OPRM1: variants seen among roughly 807,000 people sequenced by gnomAD.
OPRM1 encodes mu-type opioid receptor.
Under a neutral mutation model 31.8 loss-of-function variants are expected in OPRM1, and 27 were observed. That is an observed-to-expected ratio of 0.85 (90% CI 0.63 to 1.17). The LOEUF (loss-of-function observed/expected upper bound fraction) is 1.17, where lower values mean the gene tolerates loss of function less well. OPRM1 is among the 50% of genes most tolerant of loss of function. OPRM1 has a pLI of 0.00. For missense variants in OPRM1, 536 were observed against 511.1 expected (o/e 1.05, Z -0.47); for synonymous variants, 196 against 189.9 (o/e 1.03, Z -0.26).
chr6:154,034,128 A>T (rs1779159652), upstream of OPRM1, among the ~76,000 whole-genome samples: 1 of 152,252 alleles, frequency 6.6e-6, no homozygotes, highest in Non-Finnish European at 1.5e-5. Flanking sequence ...TGAAATGGGA[A>T]GGACACATGA....
chr6:154,238,673 C>G (rs1013895200), intron 3 of OPRM1, among the ~76,000 whole-genome samples: 1 of 152,042 alleles, frequency 6.6e-6, no homozygotes, highest in East Asian at 1.9e-4. Context: ...CCTATGAGCA[C>G]ATACTACTGT....
At chr6:154,138,739 A>G (rs1431128091) in intron 3 of OPRM1, among the ~76,000 whole-genome samples, 1 of 152,234 alleles carries the variant, frequency 6.6e-6, no homozygotes, top group African/African-American at 2.4e-5. Context: ...ACCTTTCCCA[A>G]AACAAACCTC....
chr6:154,242,238 G>C (rs1445529667), intron 3 of OPRM1, among the ~76,000 whole-genome samples: 1 of 152,146 alleles, frequency 6.6e-6, no homozygotes, highest in African/African-American at 2.4e-5. Flanking sequence ...GAGCAGCTGT[G>C]CAGGACCTAA....
At chr6:154,043,902 CT>C (rs1235716021) in intron 1 of OPRM1, among the ~76,000 whole-genome samples, 4 of 152,082 alleles carry the variant, frequency 2.6e-5, no homozygotes, top group African/African-American at 9.7e-5. Flanking sequence ...TCTTCTGTGT[CT>C]TCTAAACACA....
intron 1 of OPRM1, among the ~76,000 whole-genome samples, chr6:154,078,807 G>A (rs1259336633): frequency 6.6e-6 from 1 of 152,146 alleles, no homozygotes; most frequent in Non-Finnish European, 1.5e-5. Flanking sequence ...GAACAGAGGA[G>A]GTCAAAGCTG....
chr6:154,049,293 C>A (rs1306623290), intron 1 of OPRM1, among the ~76,000 whole-genome samples: 1 of 151,794 alleles, frequency 6.6e-6, no homozygotes, highest in African/African-American at 2.4e-5. Context: ...CCAACAACAA[C>A]AACAAAAAAA....
intron 3 of OPRM1, among the ~76,000 whole-genome samples, chr6:154,152,141 C>A (rs1474118538): frequency 7.6e-6 from 1 of 130,992 alleles, no homozygotes; most frequent in Admixed American, 8.7e-5. Context: ...CGCGCCACTG[C>A]ACTCCAGCCA....
chr6:154,223,086 T>C (rs970170373), intron 3 of OPRM1: 1 of 1,111,722 alleles, frequency 9.0e-7, no homozygotes, highest in Admixed American at 1.8e-5. Context: ...TTCACTCACT[T>C]CTAAATCACC....
chr6:154,209,896 G>A (rs1311645537), intron 3 of OPRM1, among the ~76,000 whole-genome samples: 4 of 152,072 alleles, frequency 2.6e-5, no homozygotes, highest in Non-Finnish European at 2.9e-5. Context: ...TAGCATTAAT[G>A]GCCTGCCAAA....
intron 3 of OPRM1, among the ~76,000 whole-genome samples, chr6:154,160,974 C>T (rs534234373): frequency 6.6e-6 from 1 of 152,280 alleles, no homozygotes; most frequent in East Asian, 1.9e-4. Context: ...TCCCCTTACA[C>T]CCAAGGCTCC....
chr6:154,197,027 T>C (rs971256711), intron 3 of OPRM1, among the ~76,000 whole-genome samples: 3 of 152,172 alleles, frequency 2.0e-5, no homozygotes, highest in African/African-American at 7.2e-5. Flanking sequence ...GTTATTAATC[T>C]TTAAGAATCT....
chr6:154,098,301 T>C (rs1477205817), intron 3 of OPRM1, among the ~76,000 whole-genome samples: 1 of 152,176 alleles, frequency 6.6e-6, no homozygotes, highest in Non-Finnish European at 1.5e-5. Flanking sequence ...CTGTTCTAAC[T>C]AATGTAACTA....
At chr6:154,098,779 CATT>C (rs1793842182) in intron 3 of OPRM1, among the ~76,000 whole-genome samples, 1 of 152,110 alleles carries the variant, frequency 6.6e-6, no homozygotes, top group South Asian at 2.1e-4. Flanking sequence ...TTGGAGAGTA[CATT>C]ATGAGAAATA....
chr6:154,214,548 A>G (rs1250187449), intron 3 of OPRM1, among the ~76,000 whole-genome samples: 1 of 152,214 alleles, frequency 6.6e-6, no homozygotes, highest in East Asian at 1.9e-4. Flanking sequence ...AAATATATGA[A>G]CAAACACATC....
exon 1 of OPRM1, chr6:154,010,603 G>A (rs1777675592): frequency 5.9e-6 from 9 of 1,533,154 alleles, no homozygotes; most frequent in Non-Finnish European, 7.9e-6. Context: ...AAGGAAGTGT[G>A]ATCTGTCACA....
At chr6:154,118,435 A>G (rs1306854288) in intron 3 of OPRM1, among the ~76,000 whole-genome samples, 1 of 152,210 alleles carries the variant, frequency 6.6e-6, no homozygotes, top group Non-Finnish European at 1.5e-5. Flanking sequence ...TCTCTCTATA[A>G]TGACTAGTAT....
At chr6:154,075,226 T>C (rs554040926) in intron 1 of OPRM1, among the ~76,000 whole-genome samples, 1 of 152,080 alleles carries the variant, frequency 6.6e-6, no homozygotes, top group Non-Finnish European at 1.5e-5. Flanking sequence ...CCAAACTAGC[T>C]CTCTTAGAGG....
chr6:154,165,608 A>G (rs1240277192), intron 3 of OPRM1, among the ~76,000 whole-genome samples: 2 of 152,208 alleles, frequency 1.3e-5, no homozygotes, highest in African/African-American at 4.8e-5. Context: ...GTCCAGAAAG[A>G]GCAGTTCCCT....
intron 3 of OPRM1, among the ~76,000 whole-genome samples, chr6:154,118,306 T>C (rs1389189322): frequency 6.6e-6 from 1 of 152,198 alleles, no homozygotes; most frequent in African/African-American, 2.4e-5. Context: ...ACATCGTTTT[T>C]CTTTCAAAAT....
Sources: gnomAD v4.1 joint callset for allele counts (sites outside exome capture counted in the v4.1 genomes callset) on GRCh38, gnomAD v4.1.1 for gene constraint, MANE v1.5 for transcripts, NCBI Gene and HGNC (gene_info 2026-07-23, HGNC 2026-07-21) for gene names.